Variants in CCSER1 observed in about 807,000 individuals in gnomAD.
CCSER1 encodes coiled-coil serine rich protein 1, also known as serine-rich coiled-coil domain-containing protein 1.
CCSER1 carries 41 observed loss-of-function variants against 82.0 expected under a neutral mutation model. The observed-to-expected ratio is 0.50, with a 90% CI of 0.39 to 0.65. CCSER1 has a LOEUF of 0.65. Among genes scored for constraint, CCSER1 ranks in the 30% least tolerant of loss-of-function variants. The pLI, the probability that CCSER1 is intolerant of heterozygous loss-of-function variation, is 0.00. For synonymous variants in CCSER1, 414 were observed against 383.9 expected, an observed-to-expected ratio of 1.08 and a Z score of -0.92; for missense variants, 1,119 against 1,064.2, an observed-to-expected ratio of 1.05 and a Z score of -0.72.
intron 10 of CCSER1, among the ~76,000 whole-genome samples, chr4:91,407,658 A>G (rs1054307046): frequency 1.3e-5 from 2 of 152,234 alleles, no homozygotes; most frequent in South Asian, 2.1e-4. Flanking sequence ...CACTCATGGT[A>G]GAAGGGAAAC....
chr4:91,288,844 T>C (rs1330793323), intron 10 of CCSER1, among the ~76,000 whole-genome samples: 1 of 151,994 alleles, frequency 6.6e-6, no homozygotes, highest in East Asian at 1.9e-4. Context: ...GAGGAGAGGC[T>C]GTAGTACTGA....
At chr4:91,390,488 C>G (rs1337791354) in intron 10 of CCSER1, among the ~76,000 whole-genome samples, 1 of 151,860 alleles carries the variant, frequency 6.6e-6, no homozygotes, top group South Asian at 2.1e-4. Context: ...AGGTATCACT[C>G]TGTGGTTTTA....
At chr4:90,690,860 A>T (rs1735700732) in intron 6 of CCSER1, among the ~76,000 whole-genome samples, 1 of 152,110 alleles carries the variant, frequency 6.6e-6, no homozygotes, top group South Asian at 2.1e-4. Flanking sequence ...CCCAGAATAC[A>T]AAGTTGTATG....
At chr4:90,767,952 CA>C (rs1433326287) in intron 7 of CCSER1, among the ~76,000 whole-genome samples, 2 of 152,164 alleles carry the variant, frequency 1.3e-5, no homozygotes, top group African/African-American at 4.8e-5. Flanking sequence ...CATGCCTGAC[CA>C]AACAAGGAAG....
At chr4:91,033,232 G>A (rs1250441843) in intron 9 of CCSER1, among the ~76,000 whole-genome samples, 1 of 152,120 alleles carries the variant, frequency 6.6e-6, no homozygotes, top group Non-Finnish European at 1.5e-5. Context: ...GGACAGAGTT[G>A]GGGCAGCTGG....
In CCSER1 at chr4:90,788,399, C is replaced by T. The variant is rs546198881; in HGVS notation, c.2011-27363C>T. Among the ~76,000 whole-genome samples the T allele has an allele frequency of 2.6e-5, 4 of 152,236 alleles. No individual in the cohort carries two copies. In the East Asian group the frequency reaches 7.7e-4, roughly 29 times the overall value. On this transcript the variant is annotated intron_variant, in intron 7 of 10. Transcript: ENST00000509176. The stretch of plus-strand genomic sequence containing the variant: ...ACAATGGAAATCTATTGTCACAGTT[C>T]TAGAGGCTAGAATTCTGAGATGAAG...
chr4:91,017,888 C>A (rs1461261868), intron 9 of CCSER1, among the ~76,000 whole-genome samples: 2 of 151,468 alleles, frequency 1.3e-5, no homozygotes, highest in Non-Finnish European at 2.9e-5. Context: ...GGCTGAATAA[C>A]AATCATAGCT....
At chr4:90,746,678 T>C (rs1373713288) in intron 7 of CCSER1, among the ~76,000 whole-genome samples, 1 of 152,220 alleles carries the variant, frequency 6.6e-6, no homozygotes, top group Non-Finnish European at 1.5e-5. Context: ...GTGTCTGAGA[T>C]AACTGCATTT....
At chr4:91,500,002 C>T (rs1759122562) in intron 10 of CCSER1, among the ~76,000 whole-genome samples, 1 of 151,920 alleles carries the variant, frequency 6.6e-6, no homozygotes, top group African/African-American at 2.4e-5. Flanking sequence ...AAGTGCAATT[C>T]CTAAACCTTA....
At chr4:90,344,953 C>T (rs761320206) in intron 3 of CCSER1, among the ~76,000 whole-genome samples, 9 of 151,966 alleles carry the variant, frequency 5.9e-5, no homozygotes, top group Non-Finnish European at 1.2e-4. Flanking sequence ...TCAATTTCCT[C>T]GTAACATTCA....
chr4:91,582,219 T>C (rs974006635), intron 10 of CCSER1, among the ~76,000 whole-genome samples: 1 of 151,526 alleles, frequency 6.6e-6, no homozygotes, highest in Admixed American at 6.6e-5. Flanking sequence ...AAGAAGAAGT[T>C]TGTGCAGAAA....
intron 10 of CCSER1, among the ~76,000 whole-genome samples, chr4:91,482,976 G>A (rs1349662701): frequency 6.6e-6 from 1 of 152,092 alleles, no homozygotes; most frequent in Non-Finnish European, 1.5e-5. Context: ...GATAGCATTA[G>A]GAGATATACC....
At chr4:91,270,114 T>C (rs1741906241) in intron 10 of CCSER1, among the ~76,000 whole-genome samples, 3 of 152,200 alleles carry the variant, frequency 2.0e-5, no homozygotes, top group Admixed American at 2.0e-4. Context: ...TTCTGAATAA[T>C]TCTGAATTCT....
intron 10 of CCSER1, among the ~76,000 whole-genome samples, chr4:91,228,546 T>G (rs1204272852): frequency 6.6e-6 from 1 of 152,004 alleles, no homozygotes; most frequent in Non-Finnish European, 1.5e-5. Flanking sequence ...GTGTTATATT[T>G]CCAGCATAAA....
At chr4:90,816,573 C>T (rs1246111443) in intron 8 of CCSER1, among the ~76,000 whole-genome samples, 4 of 151,896 alleles carry the variant, frequency 2.6e-5, no homozygotes, top group African/African-American at 9.6e-5. Flanking sequence ...TACTCTAAAA[C>T]AATAATTAAA....
chr4:90,667,108 A>G (rs1731934644), intron 6 of CCSER1, among the ~76,000 whole-genome samples: 1 of 152,144 alleles, frequency 6.6e-6, no homozygotes, highest in South Asian at 2.1e-4. Context: ...TGGAGCATGT[A>G]AGGTCCAAGT....
chr4:91,139,175 A>C (rs1329074647), intron 10 of CCSER1, among the ~76,000 whole-genome samples: 3 of 152,114 alleles, frequency 2.0e-5, no homozygotes, highest in African/African-American at 7.2e-5. Context: ...AGAAGAATGA[A>C]TTCCTGCTGA....
At chr4:90,539,905 T>C (rs1308955539) in intron 5 of CCSER1, among the ~76,000 whole-genome samples, 2 of 152,088 alleles carry the variant, frequency 1.3e-5, no homozygotes, top group African/African-American at 4.8e-5. Context: ...AGTAATTTAC[T>C]TGAATGTAGA....
intron 8 of CCSER1, among the ~76,000 whole-genome samples, chr4:90,882,917 A>ACAATATTTATGTTCATGTTTAGAG (rs2150079930): frequency 6.6e-6 from 1 of 152,214 alleles, no homozygotes; most frequent in African/African-American, 2.4e-5. Flanking sequence ...CATGTTTAGA[A>ACAATATTTATGTTCATGTTTAGAG]CAATATTTAT....
Sources: allele counts gnomAD v4.1 joint callset (sites outside exome capture counted in the v4.1 genomes callset), GRCh38; gene constraint gnomAD v4.1.1; transcripts MANE v1.5; gene names NCBI Gene and HGNC (gene_info 2026-07-23, HGNC 2026-07-21).